The following HMCES variants were observed in gnomAD, a reference collection of about 807,000 sequenced individuals.
HMCES encodes abasic site processing protein HMCES.
HMCES carries 27 observed loss-of-function variants against 35.1 expected under a neutral mutation model. The observed-to-expected ratio is 0.77, with a 90% confidence interval of 0.57 to 1.06. The LOEUF is 1.06. Among genes scored for constraint, HMCES ranks in the 50% least tolerant of loss-of-function variants. HMCES has a pLI of 0.00. For synonymous variants in HMCES, 130 were observed against 154.7 expected, an observed-to-expected ratio of 0.84 and a Z score of 1.18; for missense variants, 391 against 430.4, an observed-to-expected ratio of 0.91 and a Z score of 0.81.
intron 3 of HMCES, among the ~76,000 whole-genome samples, chr3:129,289,968 A>T (rs1031986565): frequency 6.6e-6 from 1 of 152,084 alleles, no homozygotes; most frequent in Non-Finnish European, 1.5e-5. Context: ...TGGGCGGATC[A>T]CGAGGTCAGG....
intron 4 of HMCES, among the ~76,000 whole-genome samples, chr3:129,292,385 G>A (rs938520759): frequency 2.0e-5 from 3 of 151,904 alleles, no homozygotes; most frequent in Non-Finnish European, 2.9e-5. Context: ...TACTTGGCAG[G>A]CTGAGGTGGA....
chr3:129,290,541 C>T, intron 3 of HMCES, 138 bp from the exon 4 acceptor site: 1 of 776,524 alleles, frequency 1.3e-6, no homozygotes, highest in South Asian at 1.7e-5. Flanking sequence ...ATCTCGGCCG[C>T]CCAAAGTGTT....
rs773888943 is a variant in HMCES, at chr3:129,304,750, T to C, written c.990T>C (p.Thr330=). The change falls in exon 7 of 7, where the codon ACT becomes ACC. Residue 330 remains threonine (T), a synonymous_variant. Transcript: ENST00000383463. ...QKSPLPTKRG[T]AGLLEQWLKR... Reference sequence around the variant, plus strand: ...GTCCACTCCCCACCAAGAGAGGCACTGCAGGACTCCTAGAGCAATGGCTGA... The same window carrying C: ...GTCCACTCCCCACCAAGAGAGGCACCGCAGGACTCCTAGAGCAATGGCTGA... The C allele has an allele frequency of 1.2e-6, 2 of 1,614,066 alleles. No individual in the cohort carries two copies. Among genetic ancestry groups the C allele is most frequent in the Non-Finnish European group, 1.7e-6 (2 of 1,179,990 alleles).
At chr3:129,283,334 C>CTT (rs200342278) in intron 2 of HMCES, among the ~76,000 whole-genome samples, 5 of 139,184 alleles carry the variant, frequency 3.6e-5, no homozygotes, top group Admixed American at 2.2e-4. Flanking sequence ...GCTTGGAAGA[C>CTT]TTTTTTTTTT....
chr3:129,285,320 C>T (rs1560073123), intron 2 of HMCES, among the ~76,000 whole-genome samples: 1 of 152,176 alleles, frequency 6.6e-6, no homozygotes, highest in South Asian at 2.1e-4. Flanking sequence ...CCATGCCACA[C>T]ATTTTAACTA....
chr3:129,290,641 T>C (rs952867185), intron 3 of HMCES, 38 bp from the exon 4 acceptor site: 8 of 1,593,378 alleles, frequency 5.0e-6, no homozygotes, highest in Non-Finnish European at 6.9e-6. Context: ...AACATGATTG[T>C]ATCACTAAGA....
chr3:129,284,210 T>C (rs7624073), intron 2 of HMCES, among the ~76,000 whole-genome samples: 10,171 of 152,220 alleles, frequency 0.067, 1,089 homozygotes, highest in African/African-American at 0.23. Flanking sequence ...CAAGTATCTT[T>C]TTTGCAGCCA....
At chr3:129,281,035 A>G (rs1940465668) in intron 2 of HMCES, among the ~76,000 whole-genome samples, 1 of 152,002 alleles carries the variant, frequency 6.6e-6, no homozygotes, top group Non-Finnish European at 1.5e-5. Flanking sequence ...CATCCTGGCC[A>G]ACATGGTGAA....
intron 4 of HMCES, among the ~76,000 whole-genome samples, chr3:129,292,374 C>T (rs972259540): frequency 6.6e-6 from 1 of 151,774 alleles, no homozygotes; most frequent in Non-Finnish European, 1.5e-5. Context: ...CTGGTCCCAG[C>T]TACTTGGCAG....
chr3:129,297,552 A>G (rs566032040), intron 4 of HMCES, among the ~76,000 whole-genome samples: 6 of 152,268 alleles, frequency 3.9e-5, no homozygotes, highest in African/African-American at 7.2e-5. Flanking sequence ...GAGCACTGGC[A>G]AAGTCCAAGG....
At chr3:129,297,842 A>G (rs1273960859) in intron 4 of HMCES, among the ~76,000 whole-genome samples, 1 of 152,108 alleles carries the variant, frequency 6.6e-6, no homozygotes, top group African/African-American at 2.4e-5. Flanking sequence ...AATTTTGCAT[A>G]TTATCCAGCT....
intron 2 of HMCES, among the ~76,000 whole-genome samples, chr3:129,285,839 C>A (rs1053517086): frequency 6.6e-6 from 1 of 151,980 alleles, no homozygotes; most frequent in Non-Finnish European, 1.5e-5. Flanking sequence ...AAGCAATTCT[C>A]ATGCCTCAGC....
intron 2 of HMCES, among the ~76,000 whole-genome samples, chr3:129,283,580 C>T (rs1390777278): frequency 6.6e-6 from 1 of 152,064 alleles, no homozygotes; most frequent in African/African-American, 2.4e-5. Flanking sequence ...CCTGTAATCT[C>T]ATTACTTTGG....
intron 3 of HMCES, among the ~76,000 whole-genome samples, chr3:129,290,051 G>A (rs995559233): frequency 1.3e-5 from 2 of 151,774 alleles, no homozygotes; most frequent in African/African-American, 2.4e-5. Context: ...GCCGGGCGTG[G>A]TGGCGGACGC....
At chr3:129,299,648 C>CTTTTTTT (rs34382705) in intron 5 of HMCES, among the ~76,000 whole-genome samples, 7 of 110,104 alleles carry the variant, frequency 6.4e-5, no homozygotes, top group African/African-American at 1.7e-4. Flanking sequence ...ATAGGTGCTT[C>CTTTTTTT]TTTTTTTTTT....
In HMCES at chr3:129,279,986, G is replaced by A. The variant is rs1940423369; in HGVS notation, c.183+71G>A. ...GGTCATCTCCTATTTGGTTTGGTGT[G>A]TGCTCAGCCTCTTGGGATGACATTA... On this transcript the variant is annotated intron_variant, in intron 2 of 6. Coordinates refer to ENST00000383463, the MANE Select transcript of HMCES (RefSeq NM_020187.3). The surrounding 1 kb of genome is among the most constrained non-coding windows in gnomAD (Gnocchi z 4.2). 7.6e-7 allele frequency: 1 copy of A among 1,318,434 alleles called. No individual in the cohort carries two copies. The highest frequency in any genetic ancestry group is 1.5e-5 in the African/African-American group (1 of 66,428). The allele number at this position is 1,318,434 out of a possible 1,614,324, so 81.7% of individuals were successfully genotyped here.
At chr3:129,289,093 A>T (rs1940725960) in intron 3 of HMCES, 96 bp downstream of exon 3, 1 of 1,001,158 alleles carries the variant, frequency 1.0e-6, no homozygotes, top group African/African-American at 1.6e-5. Context: ...CCAAAAATAA[A>T]TAAATAACAC....
At chr3:129,301,625 C>T (rs2071170423) in intron 5 of HMCES, among the ~76,000 whole-genome samples, 1 of 152,212 alleles carries the variant, frequency 6.6e-6, no homozygotes, top group Admixed American at 6.5e-5. Context: ...GACAAGTTTT[C>T]AAGATCTATT....
At chr3:129,300,674 A>G (rs1266549700) in intron 5 of HMCES, among the ~76,000 whole-genome samples, 1 of 152,010 alleles carries the variant, frequency 6.6e-6, no homozygotes, top group African/African-American at 2.4e-5. Context: ...AGGTGGGTGG[A>G]TCACGAGTTC....
Sources: gnomAD v4.1 joint callset for allele counts (sites outside exome capture counted in the v4.1 genomes callset) on GRCh38, gnomAD v4.1.1 for gene constraint, Gnocchi (gnomAD v3.1) non-coding constraint, MANE v1.5 for transcripts, NCBI Gene and HGNC (gene_info 2026-07-23, HGNC 2026-07-21) for gene names.